CNTN6: variants seen among roughly 807,000 people sequenced by gnomAD.
CNTN6 encodes the protein contactin-6.
Under a neutral mutation model 122.8 loss-of-function variants are expected in CNTN6, and 137 were observed. That is an observed-to-expected ratio of 1.12 (90% CI 0.97 to 1.29). The LOEUF (loss-of-function observed/expected upper bound fraction) is 1.29, where lower values mean the gene tolerates loss of function less well. Among genes scored for constraint, CNTN6 ranks in the 50% most tolerant of loss-of-function variants. The pLI, the probability that CNTN6 is intolerant of heterozygous loss-of-function variation, is 0.00. For synonymous variants in CNTN6, 570 were observed against 426.0 expected (o/e 1.34, Z -4.16); for missense variants, 1,634 against 1,223.4 (o/e 1.34, Z -5.01).
chr3:1,373,566 T>C (rs780923816), intron 14 of CNTN6, 38 bp from the exon 15 acceptor site: 13 of 1,590,334 alleles, frequency 8.2e-6, no homozygotes, highest in Non-Finnish European at 1.1e-5. Flanking sequence ...TGAATGTAAG[T>C]ATCTCCAATG....
At chr3:1,335,926 A>G (rs2126019411) in intron 11 of CNTN6, among the ~76,000 whole-genome samples, 1 of 152,040 alleles carries the variant, frequency 6.6e-6, no homozygotes, top group South Asian at 2.1e-4. Flanking sequence ...GTGCCAGCTA[A>G]TGGATGGGGG....
chr3:1,120,620 G>A (rs765271387), intron 1 of CNTN6, among the ~76,000 whole-genome samples: 11 of 151,790 alleles, frequency 7.2e-5, no homozygotes, highest in Admixed American at 2.0e-4. Flanking sequence ...TGAAGAGCAG[G>A]TAGTCTTAAT....
chr3:1,331,547 G>A (rs1575735315), intron 11 of CNTN6, among the ~76,000 whole-genome samples: 1 of 151,940 alleles, frequency 6.6e-6, no homozygotes, highest in South Asian at 2.1e-4. Context: ...AGATTTAGAT[G>A]TGAATTCTTT....
intron 2 of CNTN6, among the ~76,000 whole-genome samples, chr3:1,168,027 C>A (rs1217550639): frequency 6.6e-6 from 1 of 152,092 alleles, no homozygotes; most frequent in East Asian, 1.9e-4. Context: ...CTTCCCTCAG[C>A]CTCCCAAGTA....
chr3:1,185,275 A>G (rs1383657661), intron 2 of CNTN6, among the ~76,000 whole-genome samples: 2 of 152,096 alleles, frequency 1.3e-5, no homozygotes, highest in Admixed American at 6.6e-5. Context: ...TTTTGTATTT[A>G]TTGGCAGTGG....
At chr3:1,283,496 C>G (rs17037142) in intron 5 of CNTN6, among the ~76,000 whole-genome samples, 17,331 of 152,120 alleles carry the variant, frequency 0.11, 1,324 homozygotes, top group African/African-American at 0.2. Flanking sequence ...GCCCTTGAAA[C>G]CAAAACTGAA....
intron 5 of CNTN6, among the ~76,000 whole-genome samples, chr3:1,286,276 C>A (rs959095567): frequency 3.9e-5 from 6 of 152,098 alleles, no homozygotes; most frequent in Non-Finnish European, 8.8e-5. Flanking sequence ...TGTACACGTG[C>A]CATGGTGGTT....
chr3:1,289,582 G>T (rs1384672130), intron 5 of CNTN6, among the ~76,000 whole-genome samples: 1 of 152,108 alleles, frequency 6.6e-6, no homozygotes, highest in Non-Finnish European at 1.5e-5. Flanking sequence ...AATATACAAG[G>T]TGGTCCACCA....
In CNTN6 at chr3:1,227,802, T is replaced by A; in HGVS notation, c.183-16T>A. On this transcript the variant is annotated splice_polypyrimidine_tract_variant and intron_variant, in intron 3 of 22. Coordinates refer to ENST00000446702, the MANE Select transcript of CNTN6 (RefSeq NM_001289080.2). ...CTCTGTATATTATAAGCACTTTATTTTTTTTTTCCTTGAAGGTGGAAGCAA... is the reference window on the plus strand; with the variant it reads ...CTCTGTATATTATAAGCACTTTATTATTTTTTTCCTTGAAGGTGGAAGCAA... The A allele has an allele frequency of 6.2e-7, 1 of 1,612,228 alleles. No individual in the cohort carries two copies.
chr3:1,095,497 C>A (rs1161399852), intron 1 of CNTN6, among the ~76,000 whole-genome samples: 1 of 151,912 alleles, frequency 6.6e-6, no homozygotes, highest in South Asian at 2.1e-4. Context: ...AAACAGAAAA[C>A]AGAAAACAGA....
At chr3:1,122,696 T>G (rs1447568038) in intron 1 of CNTN6, among the ~76,000 whole-genome samples, 1 of 151,964 alleles carries the variant, frequency 6.6e-6, no homozygotes, top group African/African-American at 2.4e-5. Context: ...AATGGATTCA[T>G]GCAATATATG....
At chr3:1,313,420 G>A (rs762753907) in intron 7 of CNTN6, among the ~76,000 whole-genome samples, 1 of 152,004 alleles carries the variant, frequency 6.6e-6, no homozygotes, top group Non-Finnish European at 1.5e-5. Flanking sequence ...AATTTACTAA[G>A]CCTTATTTAT....
At chr3:1,190,506 AC>A (rs1402058371) in intron 2 of CNTN6, among the ~76,000 whole-genome samples, 6 of 152,196 alleles carry the variant, frequency 3.9e-5, no homozygotes, top group African/African-American at 1.4e-4. Flanking sequence ...TAGGAAATAT[AC>A]ATGGTTGAGT....
At chr3:1,140,023 T>G (rs1219615280) in intron 1 of CNTN6, among the ~76,000 whole-genome samples, 1 of 152,162 alleles carries the variant, frequency 6.6e-6, no homozygotes, top group Non-Finnish European at 1.5e-5. Context: ...TAGTTTATAT[T>G]AACAATATCA....
chr3:1,099,917 C>A (rs909800816), intron 1 of CNTN6, among the ~76,000 whole-genome samples: 3 of 152,066 alleles, frequency 2.0e-5, no homozygotes, highest in African/African-American at 7.2e-5. Context: ...ACTATTTTAA[C>A]ATAAAATGTA....
intron 11 of CNTN6, 141 bp from the exon 12 acceptor site, chr3:1,352,183 G>A: frequency 1.6e-6 from 1 of 634,228 alleles, no homozygotes; most frequent in South Asian, 3.8e-5. Flanking sequence ...TCACAATGAA[G>A]AACAGAATAA....
At chr3:1,323,768 T>A (rs1394754404) in intron 8 of CNTN6, among the ~76,000 whole-genome samples, 1 of 151,698 alleles carries the variant, frequency 6.6e-6, no homozygotes, top group African/African-American at 2.4e-5. Flanking sequence ...AATCTAAAAC[T>A]CAAACCTGTA....
chr3:1,192,580 G>A (rs2093717740), intron 2 of CNTN6, among the ~76,000 whole-genome samples: 1 of 152,042 alleles, frequency 6.6e-6, no homozygotes, highest in Non-Finnish European at 1.5e-5. Context: ...CAGAAGTTCT[G>A]TTCTTCTGGA....
intron 2 of CNTN6, among the ~76,000 whole-genome samples, chr3:1,167,774 A>G (rs2093284580): frequency 6.6e-6 from 1 of 152,212 alleles, no homozygotes; most frequent in African/African-American, 2.4e-5. Flanking sequence ...CTTAGCTGCT[A>G]GATTCAACCG....
Sources: allele counts gnomAD v4.1 joint callset (sites outside exome capture counted in the v4.1 genomes callset), GRCh38; gene constraint gnomAD v4.1.1; transcripts MANE v1.5; gene names NCBI Gene and HGNC (gene_info 2026-07-23, HGNC 2026-07-21).